The following TRIQK variants were observed in gnomAD, a reference collection of about 807,000 sequenced individuals.
TRIQK encodes triple QxxK/R motif-containing protein.
In TRIQK, 10 loss-of-function variants were observed where a neutral mutation model predicts 10.8. The observed-to-expected ratio is 0.92, with a 90% confidence interval of 0.57 to 1.57. The LOEUF is 1.57. TRIQK is among the 40% of genes most tolerant of loss of function. TRIQK has a pLI of 0.00. For synonymous variants in TRIQK, 33 were observed against 33.7 expected (o/e 0.98, Z 0.07); for missense variants, 107 against 97.7 (o/e 1.09, Z -0.40).
intron 4 of TRIQK, among the ~76,000 whole-genome samples, chr8:92,890,821 C>T (rs370665517): frequency 1.1e-3 from 174 of 151,886 alleles, no homozygotes; most frequent in Middle Eastern, 6.8e-3. Flanking sequence ...ACAATGTTCT[C>T]GCTTTAAGAA....
chr8:92,896,110 A>G (rs1808579926), intron 3 of TRIQK, among the ~76,000 whole-genome samples: 2 of 152,178 alleles, frequency 1.3e-5, no homozygotes, highest in Non-Finnish European at 1.5e-5. Context: ...CTTAAGGGCA[A>G]CATCTCCAGA....
chr8:92,924,256 G>A (rs1429162669), intron 2 of TRIQK, among the ~76,000 whole-genome samples: 1 of 151,834 alleles, frequency 6.6e-6, no homozygotes, highest in Non-Finnish European at 1.5e-5. Flanking sequence ...ACCATTTCCA[G>A]AGTATTACAA....
chr8:92,967,103 C>G (rs897891194), upstream of TRIQK, among the ~76,000 whole-genome samples: 3 of 151,832 alleles, frequency 2.0e-5, no homozygotes, highest in Admixed American at 2.0e-4. Flanking sequence ...TTTCCGTCCT[C>G]CTAAATCATT....
intron 1 of TRIQK, among the ~76,000 whole-genome samples, chr8:92,997,304 A>C (rs866995559): frequency 6.6e-6 from 1 of 152,020 alleles, no homozygotes; most frequent in South Asian, 2.1e-4. Context: ...ATTTTCAAAA[A>C]TATTATGGAT....
chr8:92,907,074 G>T (rs1315216697), intron 3 of TRIQK, among the ~76,000 whole-genome samples: 1 of 152,170 alleles, frequency 6.6e-6, no homozygotes, highest in African/African-American at 2.4e-5. Flanking sequence ...AAGAGATTGA[G>T]ATTGATTCAT....
chr8:92,969,963 G>C (rs1812857685), upstream of TRIQK, among the ~76,000 whole-genome samples: 1 of 152,008 alleles, frequency 6.6e-6, no homozygotes, highest in African/African-American at 2.4e-5. Flanking sequence ...CCCCTAGCAG[G>C]TCCCTGTGTA....
chr8:92,922,651 A>T (rs1474716637), intron 2 of TRIQK: 4 of 151,856 alleles, frequency 2.6e-5, no homozygotes, highest in African/African-American at 2.4e-5. Context: ...TATTTTTACC[A>T]AAGTAGCTGA....
chr8:92,997,169 G>A (rs1813161062), intron 1 of TRIQK, among the ~76,000 whole-genome samples: 1 of 152,036 alleles, frequency 6.6e-6, no homozygotes, highest in Admixed American at 6.6e-5. Flanking sequence ...TAATGATTGG[G>A]TAGAGAGGAA....
chr8:92,954,420 T>C lies in TRIQK; in HGVS notation c.-36A>G, dbSNP rs1218881843. 2.6e-5 allele frequency: 4 copies of C among 151,948 alleles called. No individual in the cohort carries two copies. Among genetic ancestry groups the C allele is most frequent in the Admixed American group, 2.0e-4 (3 of 15,232 alleles). 9.4% of individuals were successfully genotyped at this position (151,948 alleles called of 1,614,324 possible). On this transcript the variant is annotated 5_prime_UTR_variant, in exon 2 of 5. Transcript: ENST00000521988. ...AATAAACACACCTTGCGTTGTGTCT[T>C]TGATGCTGCCAAGTCTAAACTCTGG...
intron 1 of TRIQK, among the ~76,000 whole-genome samples, chr8:92,996,218 T>A (rs963792241): frequency 2.0e-5 from 3 of 152,128 alleles, no homozygotes; most frequent in Non-Finnish European, 4.4e-5. Flanking sequence ...TTGTGCTACA[T>A]CTCCAGCACT....
intron 1 of TRIQK, among the ~76,000 whole-genome samples, chr8:92,981,335 G>C (rs1454787277): frequency 6.6e-6 from 1 of 151,548 alleles, no homozygotes; most frequent in Non-Finnish European, 1.5e-5. Flanking sequence ...ATCCTCTGTT[G>C]AATATAAACT....
chr8:92,925,434 A>G (rs770658356), intron 2 of TRIQK, among the ~76,000 whole-genome samples: 10 of 152,270 alleles, frequency 6.6e-5, no homozygotes, highest in East Asian at 3.9e-4. Context: ...CAAGACACCA[A>G]TAAGAAAATA....
At chr8:92,913,786 G>C (rs1809689613) in intron 3 of TRIQK, among the ~76,000 whole-genome samples, 1 of 152,142 alleles carries the variant, frequency 6.6e-6, no homozygotes, top group Admixed American at 6.5e-5. Flanking sequence ...ATACTATGCA[G>C]CCATAAAAAA....
chr8:92,900,909 A>G (rs982048130), intron 3 of TRIQK, among the ~76,000 whole-genome samples: 3 of 151,972 alleles, frequency 2.0e-5, no homozygotes, highest in Admixed American at 1.3e-4. Flanking sequence ...GTTCTCTTCA[A>G]ATTTTTATCA....
chr8:92,892,422 T>C (rs755669730), intron 3 of TRIQK, among the ~76,000 whole-genome samples: 3 of 151,944 alleles, frequency 2.0e-5, no homozygotes, highest in Non-Finnish European at 4.4e-5. Context: ...AAGATCCTAT[T>C]AACAGCTAAA....
intron 1 of TRIQK, among the ~76,000 whole-genome samples, chr8:92,997,998 A>T (rs1813171817): frequency 6.6e-6 from 1 of 152,102 alleles, no homozygotes. Flanking sequence ...TAATTACATT[A>T]TTGATTTTCC....
chr8:92,969,218 A>G (rs1173716628), upstream of TRIQK, among the ~76,000 whole-genome samples: 1 of 152,112 alleles, frequency 6.6e-6, no homozygotes, highest in Non-Finnish European at 1.5e-5. Flanking sequence ...GATTGAAGTC[A>G]GGTAACATGA....
At chr8:92,927,458 A>C (rs976722990) in intron 2 of TRIQK, among the ~76,000 whole-genome samples, 1 of 152,170 alleles carries the variant, frequency 6.6e-6, no homozygotes, top group Admixed American at 6.5e-5. Context: ...TTTGGGAGTA[A>C]AAAAATAACC....
chr8:92,981,292 T>C (rs985282590), intron 1 of TRIQK, among the ~76,000 whole-genome samples: 13 of 151,896 alleles, frequency 8.6e-5, no homozygotes, highest in African/African-American at 3.1e-4. Flanking sequence ...GGTCATTTGT[T>C]TCTCATTTCT....
Sources: gnomAD v4.1 joint callset for allele counts (sites outside exome capture counted in the v4.1 genomes callset) on GRCh38, gnomAD v4.1.1 for gene constraint, MANE v1.5 for transcripts, NCBI Gene and HGNC (gene_info 2026-07-23, HGNC 2026-07-21) for gene names.